Variants in SHOC2 observed in about 807,000 individuals in gnomAD.
The protein encoded by SHOC2 is SHOC2 leucine rich repeat scaffold protein, also known as leucine-rich repeat protein SHOC-2.
In SHOC2, 4 loss-of-function variants were observed where a neutral mutation model predicts 50.2. The ratio of observed to expected loss-of-function variants is 0.08; its 90% CI spans 0.04 to 0.18. The LOEUF is 0.18. SHOC2 is among the 10% of genes least tolerant of loss of function. SHOC2 has a pLI of 1.00. For missense variants in SHOC2, 388 were observed against 669.6 expected, an observed-to-expected ratio of 0.58 and a Z score of 4.64; for synonymous variants, 218 against 244.5, an observed-to-expected ratio of 0.89 and a Z score of 1.01.
intron 2 of SHOC2, among the ~76,000 whole-genome samples, chr10:110,965,774 G>A (rs1237284892): frequency 2.0e-5 from 3 of 152,040 alleles, no homozygotes; most frequent in African/African-American, 2.4e-5. Flanking sequence ...GAATATAAAC[G>A]CGTGAACATG....
chr10:110,978,994 CTT>C (rs1847924806), intron 2 of SHOC2, among the ~76,000 whole-genome samples: 1 of 152,204 alleles, frequency 6.6e-6, no homozygotes, highest in South Asian at 2.1e-4. Context: ...AAAGATAACT[CTT>C]ATAACAACAA....
At chr10:110,943,057 A>C (rs564060140) in intron 1 of SHOC2, among the ~76,000 whole-genome samples, 33 of 152,274 alleles carry the variant, frequency 2.2e-4, no homozygotes, top group Non-Finnish European at 4.3e-4. Context: ...ATCTGCCTTC[A>C]TGTGGATTCT....
In SHOC2 at chr10:111,011,464, A is replaced by G. The variant is rs548696664; in HGVS notation, c.1541-146A>G. ...GAATATGCAGCAAAATTTGAGATCC[A>G]TGGTTGTAGAGTTTTAAAGCTAAGA... On this transcript the variant is annotated intron_variant, in intron 8 of 8. Coordinates refer to ENST00000369452, the MANE Select transcript of SHOC2 (RefSeq NM_007373.4). 4.7e-6 allele frequency: 3 copies of G among 642,608 alleles called. No individual in the cohort carries two copies. In the East Asian group the frequency reaches 8.2e-5, roughly 18 times the overall value. 39.8% of individuals were successfully genotyped at this position (642,608 alleles called of 1,614,324 possible).
intron 2 of SHOC2, among the ~76,000 whole-genome samples, chr10:110,966,728 A>T (rs1259527727): frequency 6.6e-6 from 1 of 152,246 alleles, no homozygotes; most frequent in East Asian, 1.9e-4. Flanking sequence ...ATTTGTGGCT[A>T]CCTAATCTTT....
chr10:111,004,582 AT>A (rs1848435618), intron 4 of SHOC2, 23 bp from the exon 5 acceptor site: 2 of 1,535,266 alleles, frequency 1.3e-6, no homozygotes, highest in African/African-American at 1.4e-5. Flanking sequence ...TCTAATTCTT[AT>A]GTTTATTTCA....
At chr10:110,970,771 A>G (rs1395686351) in intron 2 of SHOC2, among the ~76,000 whole-genome samples, 1 of 148,968 alleles carries the variant, frequency 6.7e-6, no homozygotes, top group African/African-American at 2.5e-5. Flanking sequence ...CCATTCCAAT[A>G]GGGTTGAGAT....
intron 5 of SHOC2, 88 bp from the exon 6 acceptor site, chr10:111,007,443 A>G (rs1848490908): frequency 7.0e-7 from 1 of 1,425,028 alleles, no homozygotes; most frequent in African/African-American, 1.4e-5. Flanking sequence ...ATTTTGTTTA[A>G]TTAAGAATTC....
intron 5 of SHOC2, among the ~76,000 whole-genome samples, chr10:111,006,276 G>T (rs2134175857): frequency 6.6e-6 from 1 of 152,342 alleles, no homozygotes. Flanking sequence ...AAAAGAAAAA[G>T]TGGGTTTTCA....
intron 4 of SHOC2, among the ~76,000 whole-genome samples, chr10:111,004,112 A>G (rs962927943): frequency 6.6e-6 from 1 of 152,222 alleles, no homozygotes; most frequent in Non-Finnish European, 1.5e-5. Context: ...TGAATTTAAT[A>G]GTTCCTAAAA....
At chr10:110,993,166 C>G (rs894661338) in intron 3 of SHOC2, among the ~76,000 whole-genome samples, 2 of 152,138 alleles carry the variant, frequency 1.3e-5, no homozygotes, top group South Asian at 2.1e-4. Context: ...GATCAGCCTA[C>G]GTTTATATAC....
chr10:111,000,483 G>A lies in SHOC2; in HGVS notation c.910G>A (p.Ala304Thr), dbSNP rs150902461. Residue 304 changes from alanine to threonine, a missense_variant, in exon 4 of 9, where the codon GCA (alanine) becomes ACA (threonine). Coordinates refer to ENST00000369452, the MANE Select transcript of SHOC2 (RefSeq NM_007373.4). ...ACTGTCAGCAATACCCAGATCATTA[G>A]CAAAATGCAGTGCACTTGAAGAATT... ...NRLSAIPRSL[A>T]KCSALEELNL... The A allele has an allele frequency of 3.1e-6, 5 of 1,612,110 alleles. No individual in the cohort carries two copies. In the African/African-American group the frequency reaches 6.7e-5, roughly 22 times the overall value.
chr10:111,004,166 A>G (rs1245648254), intron 4 of SHOC2, among the ~76,000 whole-genome samples: 1 of 152,200 alleles, frequency 6.6e-6, no homozygotes, highest in Non-Finnish European at 1.5e-5. Context: ...GAGGTATATG[A>G]CTAAGACTAG....
At chr10:110,952,726 C>T (rs933343703) in intron 1 of SHOC2, among the ~76,000 whole-genome samples, 3 of 152,138 alleles carry the variant, frequency 2.0e-5, no homozygotes, top group East Asian at 1.9e-4. Context: ...CCCCGCACCT[C>T]GCAAAAGGCC....
intron 3 of SHOC2, among the ~76,000 whole-genome samples, chr10:110,988,082 C>G (rs547333198): frequency 6.6e-6 from 1 of 151,998 alleles, no homozygotes; most frequent in African/African-American, 2.4e-5. Flanking sequence ...ATAATAAGAC[C>G]AAAATTGCTT....
At chr10:110,985,575 CTAG>C (rs1293802385) in intron 2 of SHOC2, 50 bp from the exon 3 acceptor site, 3 of 1,298,574 alleles carry the variant, frequency 2.3e-6, no homozygotes, top group African/African-American at 3.0e-5. Context: ...GAAGTATTAT[CTAG>C]TATGTTCTTT....
intron 2 of SHOC2, among the ~76,000 whole-genome samples, chr10:110,966,535 A>T (rs1847678167): frequency 1.3e-5 from 2 of 152,178 alleles, no homozygotes; most frequent in South Asian, 4.1e-4. Context: ...TATGTGTTAC[A>T]CTCAGTCCTA....
chr10:111,012,777 T>G lies in SHOC2; in HGVS notation c.*959T>G, dbSNP rs1653807810. 2 of 152,676 alleles carry G rather than the reference T, an allele frequency of 1.3e-5. No individual in the cohort carries two copies. The highest frequency in any genetic ancestry group is 1.3e-4 in the Admixed American group (2 of 15,286). 9.5% of individuals were successfully genotyped at this position (152,676 alleles called of 1,614,324 possible). A position where few individuals can be genotyped will look rare whatever the true frequency, so the allele number is the denominator to read the frequency against. ...TACAGTAGGTAACTTTAAGGATTTCTTCCTATCCTTGTACAATGACATGAA... is the reference window on the plus strand; with the variant it reads ...TACAGTAGGTAACTTTAAGGATTTCGTCCTATCCTTGTACAATGACATGAA... On this transcript the variant is annotated 3_prime_UTR_variant, in exon 9 of 9. Transcript: ENST00000369452.
At chr10:110,922,400 T>C (rs1458150196) in intron 1 of SHOC2, among the ~76,000 whole-genome samples, 4 of 152,148 alleles carry the variant, frequency 2.6e-5, no homozygotes, top group African/African-American at 9.6e-5. Flanking sequence ...AAAAATATGC[T>C]CATTTTCAAT....
chr10:110,939,431 G>T (rs1847094167), intron 1 of SHOC2, among the ~76,000 whole-genome samples: 2 of 151,964 alleles, frequency 1.3e-5, no homozygotes, highest in Non-Finnish European at 2.9e-5. Context: ...TGTTGCCCAG[G>T]CTGGTCTCGA....
Sources: allele counts gnomAD v4.1 joint callset (sites outside exome capture counted in the v4.1 genomes callset), GRCh38; gene constraint gnomAD v4.1.1; transcripts MANE v1.5; gene names NCBI Gene and HGNC (gene_info 2026-07-23, HGNC 2026-07-21).